The following CR1 variants were observed in gnomAD, a reference collection of about 807,000 sequenced individuals.
CR1 encodes the protein complement C3b/C4b receptor 1 (Knops blood group).
Under a neutral mutation model 187.3 loss-of-function variants are expected in CR1, and 116 were observed. The ratio of observed to expected loss-of-function variants is 0.62; its 90% CI spans 0.53 to 0.72. The LOEUF (loss-of-function observed/expected upper bound fraction) is 0.72, where lower values mean the gene tolerates loss of function less well. CR1 is among the 30% of genes least tolerant of loss of function. The pLI, the probability that CR1 is intolerant of heterozygous loss-of-function variation, is 0.00. For synonymous variants in CR1, 576 were observed against 747.1 expected (o/e 0.77, Z 3.73); for missense variants, 1,731 against 2,110.7 (o/e 0.82, Z 3.52).
intron 23 of CR1, 88 bp downstream of exon 23, chr1:207,564,322 A>G (rs1274046389): frequency 2.5e-6 from 4 of 1,576,080 alleles, no homozygotes; most frequent in Non-Finnish European, 3.4e-6. Flanking sequence ...GGCTTAAAAG[A>G]AAGACACACA....
At chr1:207,575,229 A>G (rs1399276574) in intron 27 of CR1, among the ~76,000 whole-genome samples, 1 of 151,724 alleles carries the variant, frequency 6.6e-6, no homozygotes, top group African/African-American at 2.4e-5. Flanking sequence ...ACACACACAC[A>G]CACAAATTAA....
At chr1:207,610,192 G>A (rs1661879856) in intron 37 of CR1, among the ~76,000 whole-genome samples, 1 of 152,004 alleles carries the variant, frequency 6.6e-6, no homozygotes, top group African/African-American at 2.4e-5. Flanking sequence ...AAAGACTGAA[G>A]CTCAGAAAAA....
intron 45 of CR1, among the ~76,000 whole-genome samples, chr1:207,625,484 G>A (rs1662451999): frequency 1.3e-5 from 2 of 152,174 alleles, no homozygotes; most frequent in African/African-American, 4.8e-5. Context: ...TTCACTTCTT[G>A]GGATTGTAAC....
At chr1:207,625,170 T>A (rs1169346101) in intron 45 of CR1, among the ~76,000 whole-genome samples, 1 of 152,242 alleles carries the variant, frequency 6.6e-6, no homozygotes, top group African/African-American at 2.4e-5. Context: ...TCTTTGGAAA[T>A]GATTGTCTTG....
At chr1:207,513,384 A>G (rs565500927) in intron 4 of CR1, among the ~76,000 whole-genome samples, 59 of 152,324 alleles carry the variant, frequency 3.9e-4, no homozygotes, top group African/African-American at 1.4e-3. Flanking sequence ...TTCCTGGCCT[A>G]CAGAGAATGA....
chr1:207,628,137 T>C (rs1244789722), intron 45 of CR1, among the ~76,000 whole-genome samples: 1 of 152,246 alleles, frequency 6.6e-6, no homozygotes, highest in Non-Finnish European at 1.5e-5. Context: ...CTTGATTTCA[T>C]GTGCCTTCTC....
Position 207,580,290 on chromosome 1 carries a change from CA to C in CR1, c.4988del (p.Gln1663ArgfsTer43). On this transcript the variant is annotated frameshift_variant, in exon 30 of 47. Coordinates refer to ENST00000367049, the MANE Select transcript of CR1 (RefSeq NM_000651.6). LOFTEE classifies it high-confidence loss of function. ...ILHGEHTPSH[Q>X]DNFSPGQEVF... is the part of the protein sequence containing the mutation. ...GCATGGTGAGCATACCCCAAGCCATCAGGACAACTTTTCACCTGGGCAGGAA... is the reference window on the plus strand; with the variant it reads ...GCATGGTGAGCATACCCCAAGCCATCGGACAACTTTTCACCTGGGCAGGAA... 6.2e-7 allele frequency: 1 copy of C among 1,613,850 alleles called. No homozygotes were observed. Among genetic ancestry groups the C allele is most frequent in the Non-Finnish European group, 8.5e-7 (1 of 1,179,840 alleles).
chr1:207,518,824 G>C (rs1278987949), intron 4 of CR1, among the ~76,000 whole-genome samples: 1 of 152,190 alleles, frequency 6.6e-6, no homozygotes, highest in East Asian at 1.9e-4. Flanking sequence ...TAACGTGATT[G>C]TATCTACAAA....
chr1:207,637,078 G>A (rs750005782), intron 46 of CR1, among the ~76,000 whole-genome samples: 16 of 152,202 alleles, frequency 1.1e-4, no homozygotes, highest in Non-Finnish European at 1.5e-4. Context: ...AAATTCTAAT[G>A]CAGTATGAGG....
intron 46 of CR1, among the ~76,000 whole-genome samples, chr1:207,632,863 G>A (rs1662693046): frequency 6.6e-6 from 1 of 150,872 alleles, no homozygotes; most frequent in Admixed American, 6.6e-5. Flanking sequence ...TTTCAGGGAT[G>A]CTTTAGACTA....
In CR1 at chr1:207,578,120, C is replaced by T. The variant is rs1660818943; in HGVS notation, c.4853C>T (p.Pro1618Leu). Reference protein sequence around the residue: ...LNEVVEFRCQPGFVMKGPRRV... With the variant: ...LNEVVEFRCQLGFVMKGPRRV... Reference sequence around the variant, plus strand: ...GAAGTTGTGGAGTTTAGGTGTCAGCCTGGCTTTGTCATGAAAGGACCCCGC... The same window carrying T: ...GAAGTTGTGGAGTTTAGGTGTCAGCTTGGCTTTGTCATGAAAGGACCCCGC... The change falls in exon 29 of 47, where the codon CCT becomes CTT. Residue 1618 changes from proline (P) to leucine (L), a missense_variant. By Grantham distance (98) the Pro-to-Leu change is moderately conservative. Transcript: ENST00000367049. 6.2e-7 allele frequency: 1 copy of T among 1,611,836 alleles called. No individual in the cohort carries two copies. Among genetic ancestry groups the T allele is most frequent in the African/African-American group, 1.3e-5 (1 of 74,970 alleles).
At chr1:207,595,434 G>A (rs1207895178) in intron 35 of CR1, among the ~76,000 whole-genome samples, 2 of 152,046 alleles carry the variant, frequency 1.3e-5, no homozygotes, top group African/African-American at 2.4e-5. Flanking sequence ...GGCCCTACAT[G>A]GAAGAAAATT....
chr1:207,624,704 T>C (rs956605650), intron 45 of CR1, among the ~76,000 whole-genome samples: 5 of 152,174 alleles, frequency 3.3e-5, no homozygotes, highest in African/African-American at 1.2e-4. Context: ...CTTTGCTCTT[T>C]TCCATTACAA....
At position 207,611,852 on chromosome 1, in the gene CR1, AGGTGCCTTGACTCTCTG is replaced by A. The variant is rs541502141; in HGVS notation, c.6472+1_6472+17del. 105 of 1,613,958 alleles carry A rather than the reference AGGTGCCTTGACTCTCTG, an allele frequency of 6.5e-5. No individual in the cohort carries two copies. In the East Asian group the frequency reaches 1.1e-3, roughly 17 times the overall value. On this transcript the variant is annotated splice_donor_variant and splice_donor_5th_base_variant and coding_sequence_variant and intron_variant, in exon 38 of 47. Coordinates refer to ENST00000367049, the MANE Select transcript of CR1 (RefSeq NM_000651.6). LOFTEE classifies it high-confidence loss of function. Reference sequence around the variant, plus strand: ...GGAGCCCTGAAGCCCCTAGATGTACAGGTGCCTTGACTCTCTGGCTTCCAGATTGCTCTGTTTTCCCC... The same window carrying A: ...GGAGCCCTGAAGCCCCTAGATGTACAGCTTCCAGATTGCTCTGTTTTCCCC...
chr1:207,616,214 A>G (rs778038507), intron 40 of CR1, among the ~76,000 whole-genome samples: 13 of 152,178 alleles, frequency 8.5e-5, no homozygotes, highest in Non-Finnish European at 1.8e-4. Context: ...GATGACCAAA[A>G]CTTTGTCTGT....
Position 207,612,036 on chromosome 1 carries a change from T to G in CR1, c.6570T>G (p.Asp2190Glu). Residue 2190 changes from aspartate (D) to glutamate (E), a missense_variant, in exon 39 of 47, where the codon GAT becomes GAG. By Grantham distance (45) the Asp-to-Glu change is conservative. Around this residue, in one of 5 missense-constraint regions of CR1, gnomAD observed 1,312 missense variants for 1,379.6 expected, o/e 0.95. Coordinates refer to ENST00000367049, the MANE Select transcript of CR1 (RefSeq NM_000651.6). ...QLGAKVSFVC[D>E]EGFRLKGRSA... The stretch of plus-strand genomic sequence containing the variant: ...GGGCAAAGGTGTCCTTTGTTTGCGA[T>G]GAAGGGTGAGTGTGACCCAGCGTTG... The G allele has an allele frequency of 6.2e-7, 1 of 1,614,004 alleles. No individual in the cohort carries two copies. The highest frequency in any genetic ancestry group is 2.2e-5 in the East Asian group (1 of 44,884).
At chr1:207,609,760 G>C (rs887709246) in intron 37 of CR1, 72 bp downstream of exon 37, 29 of 1,427,988 alleles carry the variant, frequency 2.0e-5, no homozygotes, top group Non-Finnish European at 2.2e-5. Context: ...TGAAATTAAG[G>C]AAGAAGTGTA....
intron 35 of CR1, among the ~76,000 whole-genome samples, chr1:207,596,552 T>G (rs1257313906): frequency 6.6e-6 from 1 of 151,994 alleles, no homozygotes; most frequent in African/African-American, 2.4e-5. Flanking sequence ...AGGCGGAGGT[T>G]GCAGTGAGCC....
chr1:207,634,802 C>T (rs1662763529), intron 46 of CR1, among the ~76,000 whole-genome samples: 1 of 152,172 alleles, frequency 6.6e-6, no homozygotes, highest in Non-Finnish European at 1.5e-5. Context: ...AAGCTGACCC[C>T]TCCAAGATGA....
Sources: allele counts gnomAD v4.1 joint callset (sites outside exome capture counted in the v4.1 genomes callset), GRCh38; gene constraint gnomAD v4.1.1; regional missense constraint gnomAD v4.1.1; transcripts MANE v1.5; gene names NCBI Gene and HGNC (gene_info 2026-07-23, HGNC 2026-07-21).